The following CACNA1C variants were observed in gnomAD, a reference collection of about 807,000 sequenced individuals.
CACNA1C encodes the protein voltage-dependent L-type calcium channel subunit alpha-1C.
In CACNA1C, 30 loss-of-function variants were observed where a neutral mutation model predicts 229.0. The ratio of observed to expected loss-of-function variants is 0.13; its 90% CI spans 0.10 to 0.18. The LOEUF (loss-of-function observed/expected upper bound fraction) is 0.18, where lower values mean the gene tolerates loss of function less well. Among genes scored for constraint, CACNA1C ranks in the 10% least tolerant of loss-of-function variants. CACNA1C has a pLI of 1.00. For synonymous variants in CACNA1C, 1,114 were observed against 1,132.5 expected, an observed-to-expected ratio of 0.98 and a Z score of 0.33; for missense variants, 1,658 against 2,845.0, an observed-to-expected ratio of 0.58 and a Z score of 9.49.
chr12:2,412,506 C>G (rs1421182792), intron 3 of CACNA1C, among the ~76,000 whole-genome samples: 1 of 152,220 alleles, frequency 6.6e-6, no homozygotes, highest in Non-Finnish European at 1.5e-5. Flanking sequence ...GGCGCCCCCG[C>G]GGCCAGAGGC....
At chr12:2,140,384 G>A (rs1224423433) in intron 3 of CACNA1C, among the ~76,000 whole-genome samples, 1 of 151,350 alleles carries the variant, frequency 6.6e-6, no homozygotes, top group African/African-American at 2.4e-5. Flanking sequence ...AACATAGAAG[G>A]CACTCGATGA....
At chr12:2,513,017 G>A in intron 9 of CACNA1C, 33 bp downstream of exon 9, 2 of 1,550,362 alleles carry the variant, frequency 1.3e-6, no homozygotes, top group South Asian at 1.2e-5. Context: ...GTTTGGGCTG[G>A]GTTCTGGGGG....
At chr12:2,361,169 T>TAA (rs753333345) in intron 3 of CACNA1C, among the ~76,000 whole-genome samples, 1 of 142,728 alleles carries the variant, frequency 7.0e-6, no homozygotes, top group African/African-American at 2.6e-5. Context: ...GGTGGTACTT[T>TAA]AAAAAAAAAA....
chr12:2,550,424 C>T, intron 10 of CACNA1C: 1 of 823,130 alleles, frequency 1.2e-6, no homozygotes, highest in Non-Finnish European at 1.7e-6. Flanking sequence ...GCCCTGAGTC[C>T]TGCTGGCCAC....
Position 2,148,309 on chromosome 12 carries a change from A to T in CACNA1C, c.477+27879A>T, listed in dbSNP as rs535608029. ...CGCACTGAAAAGACCTGCCATGGAGATGTTGATCCCACTTATGGGCAAGAG... is the reference window on the plus strand; with the variant it reads ...CGCACTGAAAAGACCTGCCATGGAGTTGTTGATCCCACTTATGGGCAAGAG... On this transcript the variant is annotated intron_variant, in intron 3 of 46. Coordinates refer to ENST00000399655, the MANE Select transcript of CACNA1C (RefSeq NM_000719.7). Among the ~76,000 whole-genome samples the T allele has an allele frequency of 7.3e-5, 11 of 151,250 alleles. No homozygotes were observed. In the South Asian group the frequency reaches 2.3e-3, roughly 32 times the overall value.
chr12:2,120,532 T>C (rs1358854803), intron 3 of CACNA1C, 102 bp downstream of exon 3: 1 of 789,598 alleles, frequency 1.3e-6, no homozygotes, highest in Non-Finnish European at 2.3e-6. Flanking sequence ...GACGTGTGTT[T>C]GGCATGTGCA....
At chr12:2,382,707 G>A (rs528497969) in intron 3 of CACNA1C, among the ~76,000 whole-genome samples, 3 of 152,200 alleles carry the variant, frequency 2.0e-5, no homozygotes, top group Non-Finnish European at 4.4e-5. Flanking sequence ...AAATGTTCCT[G>A]AACTGGCAAA....
intron 3 of CACNA1C, among the ~76,000 whole-genome samples, chr12:2,362,256 G>A (rs2097577151): frequency 6.6e-6 from 1 of 152,152 alleles, no homozygotes; most frequent in South Asian, 2.1e-4. Flanking sequence ...ATGGGGCCCA[G>A]GTATGCAGCC....
rs1336767197 is a variant in CACNA1C at position 2,462,263 on chromosome 12, T to TGC, written c.757+4557_757+4558insGC. Among the ~76,000 whole-genome samples, 9 of 147,656 alleles carry TGC rather than the reference T, an allele frequency of 6.1e-5. No individual in the cohort carries two copies. In the South Asian group the frequency reaches 1.3e-3, roughly 21 times the overall value. On this transcript the variant is annotated intron_variant, in intron 5 of 46. Transcript: ENST00000399655. ...GCCCCCACCTCGGCTCAGCTCTCCA[T>TGC]ACAGGCCTGCACACTTCCTCGGCAC... is the stretch of plus-strand genomic sequence containing the variant.
At chr12:2,611,456 G>A (rs1331703847) in intron 28 of CACNA1C, among the ~76,000 whole-genome samples, 1 of 150,070 alleles carries the variant, frequency 6.7e-6, no homozygotes, top group Non-Finnish European at 1.5e-5. Flanking sequence ...AGGGAGGGGA[G>A]GAGATGGAGA....
At chr12:2,267,614 T>C (rs1023904304) in intron 3 of CACNA1C, among the ~76,000 whole-genome samples, 1 of 152,142 alleles carries the variant, frequency 6.6e-6, no homozygotes, top group Non-Finnish European at 1.5e-5. Flanking sequence ...AACCCGAAGC[T>C]CAGCTCCAGC....
intron 9 of CACNA1C, among the ~76,000 whole-genome samples, chr12:2,514,093 A>G (rs1354296972): frequency 6.6e-6 from 1 of 152,216 alleles, no homozygotes; most frequent in Non-Finnish European, 1.5e-5. Flanking sequence ...TCCACGAAGC[A>G]AACAGGTTAA....
intron 3 of CACNA1C, among the ~76,000 whole-genome samples, chr12:2,345,640 T>G (rs2096991368): frequency 6.6e-6 from 1 of 152,158 alleles, no homozygotes; most frequent in Non-Finnish European, 1.5e-5. Flanking sequence ...CTGTTTAACT[T>G]TGAAGGCTGT....
intron 3 of CACNA1C, among the ~76,000 whole-genome samples, chr12:2,266,761 A>C (rs2082543989): frequency 6.6e-6 from 1 of 152,226 alleles, no homozygotes; most frequent in African/African-American, 2.4e-5. Context: ...GAGTCTACCT[A>C]TGAAACACAG....
At position 2,439,005 on chromosome 12, in the gene CACNA1C, C is replaced by T. The variant is rs1162707938; in HGVS notation, c.478-9971C>T. 2.0e-5 allele frequency among the ~76,000 whole-genome samples: 3 copies of T among 152,152 alleles called. No homozygotes were observed. In the East Asian group the frequency reaches 5.8e-4, roughly 29 times the overall value. On this transcript the variant is annotated intron_variant, in intron 3 of 46. Transcript: ENST00000399655. ...CATTGTCCCCAGGAGTAATTCAGCCCTGATTGGTAATATCTGTCACCCTCT... is the reference window on the plus strand; with the variant it reads ...CATTGTCCCCAGGAGTAATTCAGCCTTGATTGGTAATATCTGTCACCCTCT...
Position 2,116,155 on chromosome 12 carries a change from A to AAAAC in CACNA1C, c.371+622_371+625dup, listed in dbSNP as rs1195417155. Among the ~76,000 whole-genome samples, 3 of 152,238 alleles carry AAAAC rather than the reference A, an allele frequency of 2.0e-5. No individual in the cohort carries two copies. The South Asian group carries it at 6.2e-4, about 31-fold the overall frequency. On this transcript the variant is annotated intron_variant, in intron 2 of 46. Transcript: ENST00000399655. ...GACCACTCAGTTCCACCTAGGCATA[A>AAAAC]AAACAAACAAACAAAAAACAACAAC...
chr12:2,204,618 A>T (rs1320527853), intron 3 of CACNA1C, among the ~76,000 whole-genome samples: 1 of 151,520 alleles, frequency 6.6e-6, no homozygotes, highest in African/African-American at 2.4e-5. Context: ...CAGCCATAAA[A>T]AATGATGAGT....
At chr12:2,174,656 T>C (rs765973233) in intron 3 of CACNA1C, among the ~76,000 whole-genome samples, 4 of 152,196 alleles carry the variant, frequency 2.6e-5, no homozygotes, top group African/African-American at 4.8e-5. Context: ...TTAGAGATGC[T>C]GACCCTTGGA....
At chr12:2,441,918 C>A (rs1416346146) in intron 3 of CACNA1C, among the ~76,000 whole-genome samples, 2 of 152,180 alleles carry the variant, frequency 1.3e-5, no homozygotes, top group African/African-American at 4.8e-5. Flanking sequence ...TCAAAGCCTC[C>A]TTACTTAGCC....
Sources: gnomAD v4.1 joint callset for allele counts (sites outside exome capture counted in the v4.1 genomes callset) on GRCh38, gnomAD v4.1.1 for gene constraint, MANE v1.5 for transcripts, NCBI Gene and HGNC (gene_info 2026-07-23, HGNC 2026-07-21) for gene names.